Variants in B3GAT2 observed in about 807,000 individuals in gnomAD.
The protein encoded by B3GAT2 is galactosylgalactosylxylosylprotein 3-beta-glucuronosyltransferase 2.
Under a neutral mutation model 27.8 loss-of-function variants are expected in B3GAT2, and 26 were observed. The observed-to-expected ratio is 0.93, with a 90% CI of 0.68 to 1.30. The LOEUF (loss-of-function observed/expected upper bound fraction) is 1.30, where lower values mean the gene tolerates loss of function less well. B3GAT2 is among the 50% of genes most tolerant of loss of function. The probability of loss-of-function intolerance (pLI) is 0.00; values close to 1 mark genes in which losing one functional copy is unlikely to be tolerated. For synonymous variants in B3GAT2, 218 were observed against 195.1 expected (o/e 1.12, Z -0.98); for missense variants, 458 against 459.0 (o/e 1.00, Z 0.02).
At chr6:70,928,622 C>G (rs1441785012) in intron 1 of B3GAT2, among the ~76,000 whole-genome samples, 1 of 152,124 alleles carries the variant, frequency 6.6e-6, no homozygotes, top group Non-Finnish European at 1.5e-5. Context: ...TACAACCTCC[C>G]AAGACTAAAC....
intron 1 of B3GAT2, among the ~76,000 whole-genome samples, chr6:70,939,241 G>C (rs2150048757): frequency 8.1e-6 from 1 of 123,472 alleles, no homozygotes; most frequent in East Asian, 2.5e-4. Context: ...AAAAAGTCAG[G>C]AAACAACAGG....
chr6:70,861,833 A>G lies in B3GAT2; in HGVS notation c.882T>C (p.Thr294=), dbSNP rs1250447044. The change falls in exon 3 of 4, where the codon ACT becomes ACC. Residue 294 remains threonine (T), a synonymous_variant. Transcript: ENST00000230053. ...GCAGCACAAGTGTAATGAATACCTT[A>G]GTGCAGTTATTTGCTTTCGGTTCCA... ...EELEPKANNC[T]KVLVWHTRTE... 2 of 1,614,080 alleles carry G rather than the reference A, an allele frequency of 1.2e-6. No homozygotes were observed. The highest frequency in any genetic ancestry group is 1.7e-6 in the Non-Finnish European group (2 of 1,179,974).
At chr6:70,938,442 T>C (rs1488401616) in intron 1 of B3GAT2, among the ~76,000 whole-genome samples, 2 of 152,000 alleles carry the variant, frequency 1.3e-5, no homozygotes, top group East Asian at 3.8e-4. Flanking sequence ...GCCCACATCG[T>C]CAAGTCAATC....
chr6:70,941,286 G>C (rs1765388588), intron 1 of B3GAT2, among the ~76,000 whole-genome samples: 1 of 152,038 alleles, frequency 6.6e-6, no homozygotes, highest in African/African-American at 2.4e-5. Context: ...CCCTCAATTA[G>C]GGCAGTCACC....
intron 1 of B3GAT2, among the ~76,000 whole-genome samples, chr6:70,907,442 G>A (rs1284758280): frequency 2.0e-5 from 3 of 152,128 alleles, no homozygotes; most frequent in Admixed American, 6.5e-5. Flanking sequence ...ACTTCAGGAC[G>A]GTGATGACAC....
chr6:70,929,357 A>G (rs778131332), intron 1 of B3GAT2, among the ~76,000 whole-genome samples: 65 of 152,000 alleles, frequency 4.3e-4, no homozygotes, highest in Non-Finnish European at 7.9e-4. Context: ...AAAAATATAT[A>G]TTTAAAAAAA....
At chr6:70,919,717 C>T (rs529916651) in intron 1 of B3GAT2, among the ~76,000 whole-genome samples, 2 of 152,206 alleles carry the variant, frequency 1.3e-5, no homozygotes, top group Non-Finnish European at 2.9e-5. Context: ...CTCGGTATCA[C>T]CAATGGAGGC....
intron 2 of B3GAT2, 114 bp downstream of exon 2, chr6:70,894,014 T>A: frequency 8.6e-7 from 1 of 1,160,556 alleles, no homozygotes; most frequent in Non-Finnish European, 1.2e-6. Context: ...TATGATATGA[T>A]GTAGGGTTTT....
chr6:70,944,535 C>A (rs1765446203), intron 1 of B3GAT2, among the ~76,000 whole-genome samples: 1 of 152,182 alleles, frequency 6.6e-6, no homozygotes, highest in Admixed American at 6.5e-5. Context: ...CCCGCAATTG[C>A]CCAGGCTTGC....
chr6:70,890,077 C>T (rs145651793), intron 2 of B3GAT2, among the ~76,000 whole-genome samples: 260 of 152,188 alleles, frequency 1.7e-3, no homozygotes, highest in East Asian at 0.011. Context: ...CTACCATGCC[C>T]GTCCAGAAAC....
At chr6:70,952,035 T>C (rs190923755) in intron 1 of B3GAT2, among the ~76,000 whole-genome samples, 48 of 152,272 alleles carry the variant, frequency 3.2e-4, no homozygotes, top group Non-Finnish European at 5.0e-4. Flanking sequence ...TAAACTCGTA[T>C]ATCCTTCAGA....
intron 1 of B3GAT2, among the ~76,000 whole-genome samples, chr6:70,950,476 G>T (rs1000990895): frequency 2.6e-5 from 4 of 152,040 alleles, no homozygotes; most frequent in Non-Finnish European, 5.9e-5. Flanking sequence ...TTATAATGAT[G>T]ACATATTTTC....
chr6:70,901,007 G>C (rs1772489164), intron 1 of B3GAT2, among the ~76,000 whole-genome samples: 2 of 152,048 alleles, frequency 1.3e-5, no homozygotes, highest in South Asian at 4.2e-4. Flanking sequence ...AGAACACAAA[G>C]GAAAGGGCAG....
At chr6:70,905,913 G>T (rs550564675) in intron 1 of B3GAT2, among the ~76,000 whole-genome samples, 2 of 152,242 alleles carry the variant, frequency 1.3e-5, no homozygotes, top group African/African-American at 4.8e-5. Context: ...GTATGTGTGT[G>T]TGTGTGCAGT....
intron 1 of B3GAT2, among the ~76,000 whole-genome samples, chr6:70,917,974 T>A (rs1302570120): frequency 6.6e-6 from 1 of 152,200 alleles, no homozygotes; most frequent in Admixed American, 6.5e-5. Context: ...GTCTCGTTGA[T>A]CCATCTAATA....
chr6:70,931,899 A>C (rs1358501608), intron 1 of B3GAT2, among the ~76,000 whole-genome samples: 1 of 152,184 alleles, frequency 6.6e-6, no homozygotes, highest in Non-Finnish European at 1.5e-5. Context: ...CTAATATCCA[A>C]AATATCTAAA....
chr6:70,884,495 C>CTAG (rs1772151494), intron 2 of B3GAT2, among the ~76,000 whole-genome samples: 1 of 152,118 alleles, frequency 6.6e-6, no homozygotes, highest in African/African-American at 2.4e-5. Context: ...GAGCGCCCTC[C>CTAG]TAGTGTACTC....
intron 1 of B3GAT2, among the ~76,000 whole-genome samples, chr6:70,927,565 A>C (rs1772984521): frequency 6.6e-6 from 1 of 152,226 alleles, no homozygotes; most frequent in Admixed American, 6.5e-5. Flanking sequence ...AACAAAGATC[A>C]AAAGAGACAA....
chr6:70,934,621 T>C (rs1316414030), intron 1 of B3GAT2, among the ~76,000 whole-genome samples: 1 of 152,182 alleles, frequency 6.6e-6, no homozygotes, highest in Non-Finnish European at 1.5e-5. Flanking sequence ...CATTAATAAA[T>C]CATTAAAATA....
Sources: gnomAD v4.1 joint callset for allele counts (sites outside exome capture counted in the v4.1 genomes callset) on GRCh38, gnomAD v4.1.1 for gene constraint, MANE v1.5 for transcripts, NCBI Gene and HGNC (gene_info 2026-07-23, HGNC 2026-07-21) for gene names.